The following CDH23 variants were observed in gnomAD, a reference collection of about 807,000 sequenced individuals.
CDH23 encodes the protein cadherin related 23, also known as cadherin-23.
Under a neutral mutation model 317.1 loss-of-function variants are expected in CDH23, and 189 were observed. The observed-to-expected ratio is 0.60, with a 90% confidence interval of 0.53 to 0.67. The LOEUF (loss-of-function observed/expected upper bound fraction) is 0.67. Among genes scored for constraint, CDH23 ranks in the 30% least tolerant of loss-of-function variants. The probability of loss-of-function intolerance (pLI) is 0.00; values close to 1 mark genes in which losing one functional copy is unlikely to be tolerated. For synonymous variants in CDH23, 1,839 were observed against 1,876.8 expected (o/e 0.98, Z 0.52); for missense variants, 4,401 against 4,592.4 (o/e 0.96, Z 1.20).
chr10:71,713,451 C>CT, intron 28 of CDH23: 3 of 593,310 alleles, frequency 5.1e-6, no homozygotes, highest in Non-Finnish European at 9.0e-6. Flanking sequence ...AACAGGGAAT[C>CT]TGGGCCTGCC....
intron 2 of CDH23, among the ~76,000 whole-genome samples, chr10:71,445,081 A>C (rs1324563399): frequency 1.3e-5 from 2 of 152,138 alleles, no homozygotes; most frequent in East Asian, 3.8e-4. Context: ...CCCCCTCCAG[A>C]CCCAGCCCGC....
Position 71,761,076 on chromosome 10 carries a change from C to A in CDH23, c.4846-16604C>A, listed in dbSNP as rs2132888362. On this transcript the variant is annotated intron_variant, in intron 38 of 69. Coordinates refer to ENST00000224721, the MANE Select transcript of CDH23 (RefSeq NM_022124.6). The stretch of plus-strand genomic sequence containing the variant: ...CAGTGGCAGCCTGCACACGTGTGCA[C>A]CCACACACACCCTGGCATGTTCTCA... 7.0e-6 allele frequency: 5 copies of A among 717,242 alleles called. No individual in the cohort carries two copies. In the East Asian group the frequency reaches 1.3e-4, roughly 19 times the overall value. 44.4% of individuals were successfully genotyped at this position (717,242 alleles called of 1,614,324 possible).
At chr10:71,767,363 C>T (rs1352665195) in intron 38 of CDH23, among the ~76,000 whole-genome samples, 1 of 152,206 alleles carries the variant, frequency 6.6e-6, no homozygotes, top group Non-Finnish European at 1.5e-5. Context: ...CTTGGTTAGT[C>T]GGGCCTAGGA....
In CDH23 at chr10:71,736,352, T is replaced by G. The variant is rs569165480; in HGVS notation, c.4209+1694T>G. 2.5e-4 allele frequency among the ~76,000 whole-genome samples: 38 copies of G among 152,238 alleles called. 1 individual carries two copies. In the South Asian group the frequency reaches 7.5e-3, roughly 30 times the overall value. On this transcript the variant is annotated intron_variant, in intron 34 of 69. Transcript: ENST00000224721. ...GGGGCCCTTTAAAGGTGGAAACATT[T>G]CCTCTGCTAGGCCGGAACCCAAACC...
chr10:71,489,220 T>A (rs1362265426), intron 3 of CDH23, among the ~76,000 whole-genome samples: 1 of 152,262 alleles, frequency 6.6e-6, no homozygotes, highest in Non-Finnish European at 1.5e-5. Flanking sequence ...GTAAGTTAGA[T>A]CATTTATTGT....
At position 71,715,501 on chromosome 10, in the gene CDH23, G is replaced by A. The variant is rs41281312; in HGVS notation, c.3369+2688G>A. Reference sequence around the variant, plus strand: ...GATGCCAGGACAGTGTCTTGGCCCCGGTGTAGGCTGAGCATTTCACTTGAC... The same window carrying A: ...GATGCCAGGACAGTGTCTTGGCCCCAGTGTAGGCTGAGCATTTCACTTGAC... On this transcript the variant is annotated intron_variant, in intron 28 of 69. Transcript: ENST00000224721. 358 of 156,806 alleles carry A rather than the reference G, an allele frequency of 2.3e-3. 1 individual carries two copies. The highest frequency in any genetic ancestry group is 6.6e-3 in the Middle Eastern group (2 of 304). The allele number at this position is 156,806 out of a possible 1,614,324, so 9.7% of individuals were successfully genotyped here. A position where few individuals can be genotyped will look rare whatever the true frequency, so the allele number is the denominator to read the frequency against.
chr10:71,553,385 C>A (rs1856705876), intron 6 of CDH23, among the ~76,000 whole-genome samples: 1 of 152,178 alleles, frequency 6.6e-6, no homozygotes, highest in African/African-American at 2.4e-5. Flanking sequence ...TGCCCCTAAG[C>A]CCCAGGGCAC....
At chr10:71,528,206 G>A (rs1406180160) in intron 6 of CDH23, among the ~76,000 whole-genome samples, 4 of 151,984 alleles carry the variant, frequency 2.6e-5, no homozygotes, top group African/African-American at 9.7e-5. Flanking sequence ...GAGAAGACAG[G>A]GCTACTGTGA....
chr10:71,441,743 A>C (rs1649071796), intron 2 of CDH23, among the ~76,000 whole-genome samples: 1 of 151,900 alleles, frequency 6.6e-6, no homozygotes, highest in African/African-American at 2.4e-5. Flanking sequence ...AAAGAAAAAA[A>C]AAAATACATC....
intron 28 of CDH23, among the ~76,000 whole-genome samples, chr10:71,718,731 A>G (rs1021091697): frequency 2.6e-5 from 4 of 152,346 alleles, no homozygotes; most frequent in African/African-American, 9.6e-5. Flanking sequence ...TGGGCTAGCA[A>G]ATAGGATCCA....
At chr10:71,548,611 C>A (rs1159640757) in intron 6 of CDH23, among the ~76,000 whole-genome samples, 1 of 152,172 alleles carries the variant, frequency 6.6e-6, no homozygotes, top group East Asian at 1.9e-4. Flanking sequence ...TGATGCCAAA[C>A]CTTGCCAAGG....
Position 71,725,363 on chromosome 10 carries a change from T to C in CDH23, c.3431-9T>C, listed in dbSNP as rs375278975. On this transcript the variant is annotated splice_polypyrimidine_tract_variant and intron_variant, in intron 29 of 69. Coordinates refer to ENST00000224721, the MANE Select transcript of CDH23 (RefSeq NM_022124.6). ...GCCGGTGTTCCAGGGGGTCTGTCCC[T>C]CCACACAGGTAACCATGGCAACAAC... 1.3e-5 allele frequency: 21 copies of C among 1,613,792 alleles called. No individual in the cohort carries two copies. In the African/African-American group the frequency reaches 2.1e-4, roughly 16 times the overall value.
At chr10:71,656,871 C>T (rs1045667583) in intron 14 of CDH23, among the ~76,000 whole-genome samples, 6 of 152,054 alleles carry the variant, frequency 3.9e-5, no homozygotes, top group African/African-American at 1.4e-4. Flanking sequence ...TCTAGGAGAG[C>T]CCTGAGGATG....
intron 3 of CDH23, among the ~76,000 whole-genome samples, chr10:71,500,543 C>T (rs1441258411): frequency 6.6e-6 from 1 of 152,232 alleles, no homozygotes; most frequent in Non-Finnish European, 1.5e-5. Flanking sequence ...AAGTCTCTGC[C>T]TCAGGGCTGC....
intron 6 of CDH23, among the ~76,000 whole-genome samples, chr10:71,542,758 A>C (rs548983812): frequency 1.9e-4 from 29 of 152,280 alleles, no homozygotes; most frequent in African/African-American, 6.7e-4. Flanking sequence ...TGGTGAATGA[A>C]ACTGACCCGC....
intron 6 of CDH23, among the ~76,000 whole-genome samples, chr10:71,532,240 T>C (rs991221434): frequency 6.6e-6 from 1 of 152,190 alleles, no homozygotes; most frequent in South Asian, 2.1e-4. Flanking sequence ...ATTGATGAAC[T>C]TGTTCCTCTG....
intron 25 of CDH23, among the ~76,000 whole-genome samples, chr10:71,706,276 A>C (rs1256163999): frequency 6.6e-6 from 1 of 152,118 alleles, no homozygotes; most frequent in Non-Finnish European, 1.5e-5. Context: ...AGGGAAATTA[A>C]ACCTTATTTC....
chr10:71,721,084 T>C (rs78371597), intron 28 of CDH23, among the ~76,000 whole-genome samples: 1 of 152,342 alleles, frequency 6.6e-6, no homozygotes, highest in African/African-American at 2.4e-5. Flanking sequence ...CCTCCTGAGA[T>C]GACAGAAGAC....
At chr10:71,402,991 G>A (rs1333830631) in intron 1 of CDH23, among the ~76,000 whole-genome samples, 3 of 152,154 alleles carry the variant, frequency 2.0e-5, no homozygotes, top group African/African-American at 7.2e-5. Flanking sequence ...GCGTGGTGGC[G>A]GGTGCCTGTA....
Sources: allele counts gnomAD v4.1 joint callset (sites outside exome capture counted in the v4.1 genomes callset), GRCh38; gene constraint gnomAD v4.1.1; transcripts MANE v1.5; gene names NCBI Gene and HGNC (gene_info 2026-07-23, HGNC 2026-07-21).